The following CSMD1 variants were observed in gnomAD, a reference collection of about 807,000 sequenced individuals.
CSMD1 encodes the protein CUB and sushi domain-containing protein 1.
A neutral mutation model predicts 417.5 loss-of-function variants in CSMD1; 213 were observed. That is an observed-to-expected ratio of 0.51 (90% CI 0.46 to 0.57). CSMD1 has a LOEUF of 0.57. CSMD1 is among the 20% of genes least tolerant of loss of function. CSMD1 has a pLI of 0.00. For synonymous variants in CSMD1, 2,862 were observed against 1,736.8 expected (o/e 1.65, Z -16.11); for missense variants, 6,923 against 4,529.7 (o/e 1.53, Z -15.17).
chr8:3,511,877 A>G (rs1797088845), intron 10 of CSMD1, among the ~76,000 whole-genome samples: 3 of 150,262 alleles, frequency 2.0e-5, no homozygotes, highest in South Asian at 4.3e-4. Context: ...TTATCGCCAC[A>G]GAATTTGCGT....
chr8:3,439,987 C>T (rs1002193742), intron 12 of CSMD1, among the ~76,000 whole-genome samples: 5 of 152,146 alleles, frequency 3.3e-5, no homozygotes, highest in Non-Finnish European at 5.9e-5. Flanking sequence ...TATTCCTGGG[C>T]TTTCTATTCC....
chr8:4,881,953 A>G (rs1271729462), intron 1 of CSMD1, among the ~76,000 whole-genome samples: 2 of 152,056 alleles, frequency 1.3e-5, no homozygotes, highest in East Asian at 3.9e-4. Flanking sequence ...AGCTTCATGC[A>G]ATGAAAAGGA....
In CSMD1 at chr8:3,387,529, T is replaced by C; in HGVS notation, c.2747A>G (p.Asn916Ser). ...SDDEPLVCER[N>S]HQWNHALPSC... ...GGGCAAGGCGTGGTTCCACTGGTGG[T>C]TCCTCTCACAGACGAGGGGCTCGTC... is the stretch of plus-strand genomic sequence containing the variant. Residue 916 changes from asparagine to serine, a missense_variant, in exon 18 of 70, where the codon AAC (asparagine) becomes AGC (serine). By Grantham distance (46) the Asn-to-Ser change is conservative (BLOSUM62 1). Transcript: ENST00000635120. The C allele has an allele frequency of 6.2e-7, 1 of 1,602,492 alleles. No homozygotes were observed. The highest frequency in any genetic ancestry group is 8.5e-7 in the Non-Finnish European group (1 of 1,174,528).
intron 3 of CSMD1, among the ~76,000 whole-genome samples, chr8:4,178,274 A>G (rs1043896558): frequency 6.6e-6 from 1 of 152,062 alleles, no homozygotes; most frequent in Non-Finnish European, 1.5e-5. Flanking sequence ...GGCTGGTTCA[A>G]TATACGCAAA....
chr8:4,912,329 G>T (rs569438736), intron 1 of CSMD1, among the ~76,000 whole-genome samples: 7 of 149,686 alleles, frequency 4.7e-5, no homozygotes, highest in Non-Finnish European at 5.9e-5. Flanking sequence ...GAAGAGGGAA[G>T]AATTTCTTAC....
intron 5 of CSMD1, among the ~76,000 whole-genome samples, chr8:3,915,710 G>C (rs1808771565): frequency 6.6e-6 from 1 of 150,578 alleles, no homozygotes; most frequent in Admixed American, 6.7e-5. Flanking sequence ...ATAATTTATT[G>C]GTTGAATGTT....
chr8:2,951,697 C>T (rs933622802), intron 65 of CSMD1, among the ~76,000 whole-genome samples: 31 of 152,116 alleles, frequency 2.0e-4, no homozygotes, highest in African/African-American at 7.2e-4. Flanking sequence ...ACTTGGAAGG[C>T]TCCAAAGAAC....
chr8:2,964,294 G>T (rs1453212197), intron 59 of CSMD1, among the ~76,000 whole-genome samples: 1 of 152,218 alleles, frequency 6.6e-6, no homozygotes, highest in Non-Finnish European at 1.5e-5. Context: ...TTGGAAATGG[G>T]TCCTTCCCTC....
chr8:3,547,154 G>C (rs1191477837), intron 10 of CSMD1, among the ~76,000 whole-genome samples: 1 of 152,152 alleles, frequency 6.6e-6, no homozygotes, highest in African/African-American at 2.4e-5. Context: ...ACAAGCTCTG[G>C]GCTTGGCAAA....
chr8:4,537,450 T>G (rs992693026), intron 2 of CSMD1, among the ~76,000 whole-genome samples: 1 of 152,202 alleles, frequency 6.6e-6, no homozygotes, highest in African/African-American at 2.4e-5. Flanking sequence ...TTATTAAAAG[T>G]CATATTACTA....
chr8:3,304,730 C>T lies in CSMD1; in HGVS notation c.3950+2965G>A, dbSNP rs556445677. Among the ~76,000 whole-genome samples, 228 of 151,730 alleles carry T rather than the reference C, an allele frequency of 1.5e-3. 1 individual carries two copies. The highest frequency in any genetic ancestry group is 5.1e-3 in the African/African-American group (210 of 41,400). On this transcript the variant is annotated intron_variant, in intron 25 of 69. Coordinates refer to ENST00000635120, the MANE Select transcript of CSMD1 (RefSeq NM_033225.6). ...TATTCAAATATTTTTTTATTTTTCT[C>T]TTTTTAATTTTTTTTATTAAAATGT...
At chr8:4,228,131 C>T (rs186774318) in intron 3 of CSMD1, among the ~76,000 whole-genome samples, 221 of 152,174 alleles carry the variant, frequency 1.5e-3, no homozygotes, top group Non-Finnish European at 1.9e-3. Flanking sequence ...GGAGACATAC[C>T]CTCCATCCTG....
chr8:4,798,254 C>T (rs570243076), intron 1 of CSMD1, among the ~76,000 whole-genome samples: 4 of 152,246 alleles, frequency 2.6e-5, no homozygotes, highest in Non-Finnish European at 5.9e-5. Context: ...TGAGTGAGAA[C>T]ATGCGGTGTT....
At chr8:3,517,646 T>G (rs1373934056) in intron 10 of CSMD1, among the ~76,000 whole-genome samples, 3 of 152,208 alleles carry the variant, frequency 2.0e-5, no homozygotes, top group Non-Finnish European at 4.4e-5. Flanking sequence ...AAAGGCTTTC[T>G]GAAAGAATTT....
intron 1 of CSMD1, among the ~76,000 whole-genome samples, chr8:4,844,674 T>C (rs1801029692): frequency 1.3e-5 from 2 of 152,162 alleles, no homozygotes; most frequent in Admixed American, 1.3e-4. Flanking sequence ...CAAAAAGAAA[T>C]AGAATTTACT....
intron 3 of CSMD1, among the ~76,000 whole-genome samples, chr8:4,075,384 C>T (rs1208393406): frequency 6.6e-6 from 1 of 151,778 alleles, no homozygotes; most frequent in Non-Finnish European, 1.5e-5. Flanking sequence ...TGCTAAAGAA[C>T]AGAAAAAACT....
intron 1 of CSMD1, among the ~76,000 whole-genome samples, chr8:4,838,962 A>C (rs61310246): frequency 6.6e-6 from 1 of 152,114 alleles, no homozygotes. Context: ...GCAATTCATA[A>C]TTTTTTTAAA....
At chr8:4,428,711 A>C (rs562769625) in intron 2 of CSMD1, among the ~76,000 whole-genome samples, 1 of 152,032 alleles carries the variant, frequency 6.6e-6, no homozygotes, top group East Asian at 1.9e-4. Flanking sequence ...AAATTTGGTT[A>C]TTTTGTGTAT....
chr8:4,330,581 C>A (rs1799811556), intron 3 of CSMD1, among the ~76,000 whole-genome samples: 2 of 133,738 alleles, frequency 1.5e-5, no homozygotes, highest in African/African-American at 5.2e-5. Context: ...CAGAGTGAAA[C>A]CCTGTCTCAA....
Sources: gnomAD v4.1 joint callset for allele counts (sites outside exome capture counted in the v4.1 genomes callset) on GRCh38, gnomAD v4.1.1 for gene constraint, MANE v1.5 for transcripts, NCBI Gene and HGNC (gene_info 2026-07-23, HGNC 2026-07-21) for gene names.